TENM2: variants seen among roughly 807,000 people sequenced by gnomAD.
TENM2 encodes the protein teneurin transmembrane protein 2.
TENM2 carries 52 observed loss-of-function variants against 245.2 expected under a neutral mutation model. The observed-to-expected ratio is 0.21, with a 90% CI of 0.17 to 0.27. The LOEUF is 0.27. Among genes scored for constraint, TENM2 ranks in the 10% least tolerant of loss-of-function variants. The pLI, the probability that TENM2 is intolerant of heterozygous loss-of-function variation, is 1.00. For synonymous variants in TENM2, 1,363 were observed against 1,438.9 expected, an observed-to-expected ratio of 0.95 and a Z score of 1.19; for missense variants, 3,046 against 3,666.8, an observed-to-expected ratio of 0.83 and a Z score of 4.37.
At chr5:167,488,250 A>G (rs967766258) in intron 2 of TENM2, among the ~76,000 whole-genome samples, 2 of 152,314 alleles carry the variant, frequency 1.3e-5, no homozygotes, top group Non-Finnish European at 2.9e-5. Context: ...TCTGCTAAAA[A>G]TGACCCTAAC....
At chr5:168,025,688 G>C (rs991965956) in intron 5 of TENM2, among the ~76,000 whole-genome samples, 2 of 152,238 alleles carry the variant, frequency 1.3e-5, no homozygotes, top group African/African-American at 2.4e-5. Flanking sequence ...GTTCAGGTAT[G>C]AGATTAGAGG....
At chr5:167,423,548 T>C (rs1419671120) in intron 2 of TENM2, among the ~76,000 whole-genome samples, 1 of 152,140 alleles carries the variant, frequency 6.6e-6, no homozygotes, top group African/African-American at 2.4e-5. Context: ...GAAGGATTGA[T>C]GTGCCTAGCA....
intron 1 of TENM2, among the ~76,000 whole-genome samples, chr5:167,320,789 T>A (rs1288878208): frequency 6.6e-6 from 1 of 152,210 alleles, no homozygotes; most frequent in African/African-American, 2.4e-5. Context: ...CCAATAAATT[T>A]CTGCTCATTA....
At chr5:168,204,250 T>G in intron 18 of TENM2, 122 bp from the exon 21 acceptor site, 1 of 1,066,450 alleles carries the variant, frequency 9.4e-7, no homozygotes. Context: ...TGTGAAGAAG[T>G]TGGAGAGCTC....
chr5:168,085,089 A>G (rs1035803972), intron 7 of TENM2, among the ~76,000 whole-genome samples: 41 of 152,336 alleles, frequency 2.7e-4, no homozygotes, highest in African/African-American at 9.4e-4. Context: ...CACTGGATCC[A>G]TTCCTTAACT....
the TENM2 span, among the ~76,000 whole-genome samples, chr5:167,055,091 A>C: frequency 6.6e-6 from 1 of 152,116 alleles, no homozygotes; most frequent in Non-Finnish European, 1.5e-5. Flanking sequence ...GTGTGTAAAA[A>C]GTCATCGCCA....
At chr5:167,769,511 T>C (rs183003884) in intron 2 of TENM2, among the ~76,000 whole-genome samples, 51 of 152,318 alleles carry the variant, frequency 3.3e-4, no homozygotes, top group Admixed American at 9.8e-4. Flanking sequence ...TGGCTTACTA[T>C]GGCAGTTTTG....
chr5:167,874,848 C>G (rs1031338579), intron 2 of TENM2, among the ~76,000 whole-genome samples: 6 of 152,190 alleles, frequency 3.9e-5, no homozygotes, highest in Admixed American at 3.9e-4. Flanking sequence ...GCCGGACTGG[C>G]TGCTCCTCCT....
chr5:167,532,417 C>G (rs896233465), intron 2 of TENM2, among the ~76,000 whole-genome samples: 2 of 151,922 alleles, frequency 1.3e-5, no homozygotes, highest in Non-Finnish European at 2.9e-5. Flanking sequence ...CTTACAGTTC[C>G]ATGTGGCTGG....
intron 2 of TENM2, among the ~76,000 whole-genome samples, chr5:167,674,140 A>G (rs1273939687): frequency 6.6e-6 from 1 of 152,164 alleles, no homozygotes; most frequent in East Asian, 1.9e-4. Context: ...GTGTGTAGCT[A>G]TGCATGGGTG....
intron 17 of TENM2, among the ~76,000 whole-genome samples, chr5:168,201,724 G>A (rs566837928): frequency 2.0e-5 from 3 of 152,158 alleles, no homozygotes; most frequent in African/African-American, 7.2e-5. Flanking sequence ...TCCACCTTTT[G>A]CAATTGGTTG....
intron 2 of TENM2, among the ~76,000 whole-genome samples, chr5:167,459,156 C>G (rs1766125891): frequency 6.6e-6 from 1 of 152,178 alleles, no homozygotes; most frequent in African/African-American, 2.4e-5. Flanking sequence ...CTATTTCCCC[C>G]TTCCCATACC....
chr5:168,114,665 C>G (rs930792922), intron 9 of TENM2, among the ~76,000 whole-genome samples: 2 of 152,184 alleles, frequency 1.3e-5, no homozygotes, highest in Admixed American at 6.5e-5. Context: ...ACTATAAAGT[C>G]TCGCTCCTGT....
At chr5:167,774,180 A>C in intron 2 of TENM2, among the ~76,000 whole-genome samples, 1 of 99,498 alleles carries the variant, frequency 1.0e-5, no homozygotes, top group African/African-American at 4.2e-5. Context: ...AAGGAAGGAA[A>C]GAAGGGAGGG....
chr5:167,348,739 C>G (rs1258860068), intron 1 of TENM2, among the ~76,000 whole-genome samples: 1 of 152,148 alleles, frequency 6.6e-6, no homozygotes, highest in Non-Finnish European at 1.5e-5. Context: ...TAATGAGTAA[C>G]TATTATTCTA....
chr5:167,463,019 A>G (rs151161733), intron 2 of TENM2, among the ~76,000 whole-genome samples: 226 of 152,194 alleles, frequency 1.5e-3, no homozygotes, highest in African/African-American at 4.2e-3. Context: ...ATTCAAGAGG[A>G]TATTGGATGC....
At chr5:167,033,854 G>A in the TENM2 span, among the ~76,000 whole-genome samples, 1 of 152,168 alleles carries the variant, frequency 6.6e-6, no homozygotes, top group Non-Finnish European at 1.5e-5. Flanking sequence ...ACACCTAACT[G>A]TCATTCAACA....
At chr5:167,685,115 C>A (rs1756987310) in intron 2 of TENM2, among the ~76,000 whole-genome samples, 2 of 152,100 alleles carry the variant, frequency 1.3e-5, no homozygotes, top group South Asian at 2.1e-4. Flanking sequence ...TACTGTCGAC[C>A]TTTTCAGAAG....
At chr5:167,163,486 A>G in the TENM2 span, among the ~76,000 whole-genome samples, 1 of 152,186 alleles carries the variant, frequency 6.6e-6, no homozygotes, top group Non-Finnish European at 1.5e-5. Flanking sequence ...TAAAAAATAT[A>G]TATCCTGGAA....
Sources: allele counts gnomAD v4.1 joint callset (sites outside exome capture counted in the v4.1 genomes callset), GRCh38; gene constraint gnomAD v4.1.1; transcripts MANE v1.5; gene names NCBI Gene and HGNC (gene_info 2026-07-23, HGNC 2026-07-21).